Variants in TLE1 observed in about 807,000 individuals in gnomAD.
TLE1 encodes the protein TLE family member 1, transcriptional corepressor, also known as transducin-like enhancer protein 1.
TLE1 carries 21 observed loss-of-function variants against 89.8 expected under a neutral mutation model. That is an observed-to-expected ratio of 0.23 (90% confidence interval 0.17 to 0.34). The LOEUF (loss-of-function observed/expected upper bound fraction) is 0.34. Among genes scored for constraint, TLE1 ranks in the 10% least tolerant of loss-of-function variants. The pLI, the probability that TLE1 is intolerant of heterozygous loss-of-function variation, is 1.00. For synonymous variants in TLE1, 447 were observed against 407.6 expected (o/e 1.10, Z -1.16); for missense variants, 795 against 1,031.2 (o/e 0.77, Z 3.14).
intron 8 of TLE1, among the ~76,000 whole-genome samples, chr9:81,626,341 C>T (rs938713362): frequency 6.6e-6 from 1 of 152,072 alleles, no homozygotes. Context: ...AATTAGGTAA[C>T]GACGCACCCC....
intron 4 of TLE1, among the ~76,000 whole-genome samples, chr9:81,684,559 T>C (rs1347145211): frequency 6.6e-6 from 1 of 152,186 alleles, no homozygotes; most frequent in Non-Finnish European, 1.5e-5. Flanking sequence ...ATGAAAGTCT[T>C]TGAATATAAG....
chr9:81,632,935 T>TG (rs1826863582), intron 8 of TLE1, among the ~76,000 whole-genome samples: 1 of 152,224 alleles, frequency 6.6e-6, no homozygotes. Flanking sequence ...ACAAAGGGAT[T>TG]GTGATCTCTT....
At chr9:81,627,472 C>A (rs1207136559) in intron 8 of TLE1, among the ~76,000 whole-genome samples, 1 of 152,174 alleles carries the variant, frequency 6.6e-6, no homozygotes, top group African/African-American at 2.4e-5. Context: ...AGGCTCCTGA[C>A]AATCTAGAAA....
In TLE1 at chr9:81,618,860, G is replaced by A. The variant is rs142030700; in HGVS notation, c.711+1581C>T. ...TCTTAGCTTTGTACCGGACCCTTCT[G>A]CAAATATAAACCTTCACAGGACAGT... On this transcript the variant is annotated intron_variant, in intron 9 of 19. Transcript: ENST00000376499. Among the ~76,000 whole-genome samples, 28 of 152,260 alleles carry A rather than the reference G, an allele frequency of 1.8e-4. 1 individual carries two copies. The East Asian group carries it at 5.2e-3, about 28-fold the overall frequency.
rs368595624 is a variant in TLE1 at position 81,590,890 on chromosome 9, T to A, written c.1744A>T (p.Ile582Phe). The A allele has an allele frequency of 6.2e-7, 1 of 1,614,244 alleles. No homozygotes were observed. Among genetic ancestry groups the A allele is most frequent in the Non-Finnish European group, 8.5e-7 (1 of 1,180,028 alleles). The change falls in exon 16 of 20, where the codon ATC (isoleucine) becomes TTC (phenylalanine). Residue 582 changes from isoleucine to phenylalanine, a missense_variant. Around this residue, in one of 4 missense-constraint regions of TLE1, gnomAD observed 214 missense variants for 354.9 expected, o/e 0.60. Transcript: ENST00000376499. ...SSAPACYALA[I>F]SPDSKVCFSC... ...AAGCAGACCTTGGAATCGGGGCTGA[T>A]GGCCAGGGCGTAGCAGGCGGGGGCC... is the stretch of plus-strand genomic sequence containing the variant.
intron 1 of TLE1, 95 bp downstream of exon 1, chr9:81,688,122 C>T (rs1006824849): frequency 6.6e-7 from 1 of 1,508,118 alleles, no homozygotes; most frequent in South Asian, 1.2e-5. Flanking sequence ...GCGAGAAGGT[C>T]CGCCGGGCCT....
At chr9:81,633,966 T>C in intron 7 of TLE1, 131 bp downstream of exon 7, 1 of 1,059,802 alleles carries the variant, frequency 9.4e-7, no homozygotes, top group Non-Finnish European at 1.3e-6. Flanking sequence ...GTGGAAAGCT[T>C]TGCGACAGTT....
At chr9:81,667,601 C>T (rs1831645320) in intron 4 of TLE1, among the ~76,000 whole-genome samples, 1 of 151,980 alleles carries the variant, frequency 6.6e-6, no homozygotes, top group Non-Finnish European at 1.5e-5. Context: ...GATCTAGGCC[C>T]CCAGTGCCAC....
intron 1 of TLE1, 29 bp downstream of exon 1, chr9:81,688,187 GC>G: frequency 1.9e-6 from 3 of 1,600,146 alleles, no homozygotes; most frequent in African/African-American, 1.4e-5. Flanking sequence ...AACGATCCTG[GC>G]CCCCCACCAC....
intron 8 of TLE1, 150 bp downstream of exon 8, chr9:81,633,198 G>A: frequency 1.5e-6 from 2 of 1,358,756 alleles, no homozygotes; most frequent in Non-Finnish European, 1.9e-6. Flanking sequence ...AGGAAAAAAA[G>A]TAAAAGAAAA....
chr9:81,622,592 C>T (rs1466897899), intron 8 of TLE1, among the ~76,000 whole-genome samples: 2 of 152,310 alleles, frequency 1.3e-5, no homozygotes, highest in Middle Eastern at 6.8e-3. Flanking sequence ...GAGGCCTCTG[C>T]GTCTATGTGT....
At chr9:81,612,087 G>T in intron 12 of TLE1, 128 bp from the exon 13 acceptor site, 1 of 764,432 alleles carries the variant, frequency 1.3e-6, no homozygotes, top group Non-Finnish European at 1.8e-6. Flanking sequence ...TTCTAGGGGA[G>T]GGGGAAAATC....
intron 4 of TLE1, among the ~76,000 whole-genome samples, chr9:81,675,128 T>C (rs1295797800): frequency 1.3e-5 from 2 of 152,094 alleles, no homozygotes; most frequent in African/African-American, 4.8e-5. Context: ...ATATTATTAA[T>C]TTATTTCTTG....
intron 11 of TLE1, among the ~76,000 whole-genome samples, chr9:81,614,125 G>T (rs1470457839): frequency 6.6e-6 from 1 of 151,930 alleles, no homozygotes; most frequent in Admixed American, 6.6e-5. Flanking sequence ...AGCCAGGATG[G>T]TCTCGATCTC....
intron 9 of TLE1, among the ~76,000 whole-genome samples, chr9:81,619,471 C>G (rs865879115): frequency 3.3e-4 from 50 of 152,186 alleles, no homozygotes; most frequent in African/African-American, 1.1e-3. Context: ...CTGGCACTAA[C>G]TCCAGGTGGC....
intron 6 of TLE1, among the ~76,000 whole-genome samples, chr9:81,651,264 G>A (rs1331041001): frequency 4.6e-5 from 7 of 152,128 alleles, no homozygotes; most frequent in Admixed American, 2.0e-4. Context: ...CAGAAAGGAC[G>A]GTCCCTTGTT....
At chr9:81,617,893 G>C (rs138174927) in intron 9 of TLE1, among the ~76,000 whole-genome samples, 2 of 151,990 alleles carry the variant, frequency 1.3e-5, no homozygotes, top group Non-Finnish European at 2.9e-5. Flanking sequence ...GTTTAGTGGC[G>C]TGCATCTGTT....
intron 7 of TLE1, 190 bp from the exon 8 acceptor site, chr9:81,633,554 A>C (rs946447949): frequency 1.4e-6 from 1 of 724,996 alleles, no homozygotes; most frequent in Non-Finnish European, 2.2e-6. Flanking sequence ...TTTTGTAAAC[A>C]TAAGATTTAC....
chr9:81,672,219 A>G (rs954389793), intron 4 of TLE1, among the ~76,000 whole-genome samples: 2 of 152,172 alleles, frequency 1.3e-5, no homozygotes, highest in Non-Finnish European at 2.9e-5. Flanking sequence ...ACTTACAAAG[A>G]CACACAAGAA....
Sources: allele counts gnomAD v4.1 joint callset (sites outside exome capture counted in the v4.1 genomes callset), GRCh38; gene constraint gnomAD v4.1.1; regional missense constraint gnomAD v4.1.1; transcripts MANE v1.5; gene names NCBI Gene and HGNC (gene_info 2026-07-23, HGNC 2026-07-21).